The following WDHD1 variants were observed in gnomAD, a reference collection of about 807,000 sequenced individuals.
WDHD1 encodes the protein WD repeat and HMG-box DNA-binding protein 1.
Under a neutral mutation model 135.4 loss-of-function variants are expected in WDHD1, and 111 were observed. That is an observed-to-expected ratio of 0.82 (90% CI 0.70 to 0.96). WDHD1 has a LOEUF of 0.96. WDHD1 is among the 40% of genes least tolerant of loss of function. The pLI, the probability that WDHD1 is intolerant of heterozygous loss-of-function variation, is 0.00. For synonymous variants in WDHD1, 434 were observed against 439.0 expected, an observed-to-expected ratio of 0.99 and a Z score of 0.14; for missense variants, 1,351 against 1,336.3, an observed-to-expected ratio of 1.01 and a Z score of -0.17.
intron 10 of WDHD1, among the ~76,000 whole-genome samples, chr14:54,997,961 T>C (rs942991715): frequency 4.6e-5 from 7 of 150,952 alleles, no homozygotes; most frequent in South Asian, 2.1e-4. Flanking sequence ...TCTGTAACCC[T>C]AGCACTTTGG....
At chr14:54,953,095 C>T (rs879863123) in intron 24 of WDHD1, among the ~76,000 whole-genome samples, 3 of 152,086 alleles carry the variant, frequency 2.0e-5, no homozygotes, top group Admixed American at 1.3e-4. Flanking sequence ...ACACCAAAAG[C>T]AATGGCAACA....
chr14:54,944,609 C>T (rs2040890530), intron 24 of WDHD1, 139 bp from the exon 25 acceptor site: 1 of 468,886 alleles, frequency 2.1e-6, no homozygotes, highest in Non-Finnish European at 3.3e-6. Flanking sequence ...CTTGTTAATT[C>T]ATGTTACTTT....
At position 54,991,401 on chromosome 14, in the gene WDHD1, C is replaced by A; in HGVS notation, c.1154-1G>T. ...GAACCAGTTTTTAGCATTGAAATAT[C>A]TACAACACAAAGGATCATAATTAAG... On this transcript the variant is annotated splice_acceptor_variant, in intron 11 of 25. Transcript: ENST00000360586. LOFTEE classifies it high-confidence loss of function. The A allele has an allele frequency of 6.2e-7, 1 of 1,613,142 alleles. No individual in the cohort carries two copies. The highest frequency in any genetic ancestry group is 1.1e-5 in the South Asian group (1 of 90,924).
At chr14:54,979,978 T>C (rs1427621963) in intron 16 of WDHD1, among the ~76,000 whole-genome samples, 1 of 152,230 alleles carries the variant, frequency 6.6e-6, no homozygotes, top group Non-Finnish European at 1.5e-5. Context: ...TGTCAAGATA[T>C]GATTCACATA....
At chr14:54,960,646 T>G (rs148475348) in intron 21 of WDHD1, among the ~76,000 whole-genome samples, 27,044 of 151,152 alleles carry the variant, frequency 0.18, 2,472 homozygotes, top group Admixed American at 0.22. Context: ...ATTACAGGCA[T>G]GAGCCACCAT....
intron 7 of WDHD1, among the ~76,000 whole-genome samples, chr14:55,007,024 C>T (rs184922809): frequency 6.6e-6 from 1 of 151,808 alleles, no homozygotes. Context: ...CTCAGGAGTT[C>T]GAGACCAGCC....
At chr14:54,964,647 A>T (rs1169736795) in intron 18 of WDHD1, among the ~76,000 whole-genome samples, 2 of 152,194 alleles carry the variant, frequency 1.3e-5, no homozygotes, top group East Asian at 3.9e-4. Context: ...TCAAAAAAAA[A>T]AAAAGAAATA....
At chr14:54,992,413 C>G (rs2041807549) in intron 11 of WDHD1, among the ~76,000 whole-genome samples, 1 of 152,118 alleles carries the variant, frequency 6.6e-6, no homozygotes, top group Non-Finnish European at 1.5e-5. Context: ...TCACTTGTAC[C>G]CAGAGGGCAG....
chr14:54,969,583 A>G (rs1214164960), intron 16 of WDHD1, among the ~76,000 whole-genome samples: 1 of 152,170 alleles, frequency 6.6e-6, no homozygotes, highest in African/African-American at 2.4e-5. Flanking sequence ...TAAAAAACCT[A>G]TCAACCAAAA....
intron 2 of WDHD1, among the ~76,000 whole-genome samples, chr14:55,019,276 T>C (rs1566746037): frequency 6.6e-6 from 1 of 152,230 alleles, no homozygotes; most frequent in Non-Finnish European, 1.5e-5. Context: ...TGTTTAATGT[T>C]TGGATAATCA....
Position 55,017,455 on chromosome 14 carries a change from G to A in WDHD1, c.78-3859C>T, listed in dbSNP as rs191923150. 1.2e-4 allele frequency among the ~76,000 whole-genome samples: 18 copies of A among 151,814 alleles called. No individual in the cohort carries two copies. In the East Asian group the frequency reaches 3.5e-3, roughly 30 times the overall value. ...CTTCCCAGGTTCAAGTGATTCTCCTGCCTCAGCCTCCCAAGTAGCTAGTAT... is the reference window on the plus strand; with the variant it reads ...CTTCCCAGGTTCAAGTGATTCTCCTACCTCAGCCTCCCAAGTAGCTAGTAT... On this transcript the variant is annotated intron_variant, in intron 2 of 25. Transcript: ENST00000360586.
intron 2 of WDHD1, among the ~76,000 whole-genome samples, chr14:55,025,905 C>T (rs2042429405): frequency 6.6e-6 from 1 of 152,206 alleles, no homozygotes; most frequent in African/African-American, 2.4e-5. Context: ...ATGCCTGCTC[C>T]GTCTTCAGAT....
intron 16 of WDHD1, 121 bp downstream of exon 16, chr14:54,981,419 G>T: frequency 2.2e-6 from 2 of 916,232 alleles, no homozygotes; most frequent in Non-Finnish European, 3.2e-6. Context: ...CTAATTTAGT[G>T]ACTATGGAAA....
At chr14:54,942,175 C>T (rs761319303) in intron 25 of WDHD1, among the ~76,000 whole-genome samples, 29 of 151,888 alleles carry the variant, frequency 1.9e-4, no homozygotes, top group Non-Finnish European at 3.5e-4. Flanking sequence ...AGAGTGAACC[C>T]GGGAGGTGGA....
At position 55,005,527 on chromosome 14, in the gene WDHD1, G is replaced by C. The variant is rs944396072; in HGVS notation, c.600+1753C>G. The C allele has an allele frequency of 6.9e-6, 4 of 575,702 alleles. No individual in the cohort carries two copies. The African/African-American group carries it at 7.4e-5, about 11-fold the overall frequency. 35.7% of individuals were successfully genotyped at this position (575,702 alleles called of 1,614,324 possible). ...AAGCTCCCAGGAGAAGCTTCTCCCA[G>C]GTCCTCTTCAGATTTATGATGTAGA... On this transcript the variant is annotated intron_variant, in intron 7 of 25. Coordinates refer to ENST00000360586, the MANE Select transcript of WDHD1 (RefSeq NM_007086.4).
At chr14:54,990,638 T>C (rs913468874) in intron 12 of WDHD1, among the ~76,000 whole-genome samples, 5 of 150,958 alleles carry the variant, frequency 3.3e-5, no homozygotes, top group Non-Finnish European at 5.9e-5. Context: ...AAAAAGCCAA[T>C]ATATTCATTT....
chr14:55,014,247 C>A (rs574512649), intron 2 of WDHD1, among the ~76,000 whole-genome samples: 1 of 152,186 alleles, frequency 6.6e-6, no homozygotes, highest in Admixed American at 6.5e-5. Flanking sequence ...GCGCATGCCA[C>A]CATGCCTGGC....
chr14:54,942,698 C>T (rs1214616170), intron 25 of WDHD1, among the ~76,000 whole-genome samples: 1 of 152,142 alleles, frequency 6.6e-6, no homozygotes, highest in Non-Finnish European at 1.5e-5. Context: ...CCATTCATTT[C>T]ATCTGTCTCT....
chr14:54,950,194 ATGGCAAAT>A (rs1433567172), intron 24 of WDHD1, among the ~76,000 whole-genome samples: 1 of 152,176 alleles, frequency 6.6e-6, no homozygotes, highest in Non-Finnish European at 1.5e-5. Context: ...AAGACACAGA[ATGGCAAAT>A]TGGATAAAGA....
Sources: allele counts gnomAD v4.1 joint callset (sites outside exome capture counted in the v4.1 genomes callset), GRCh38; gene constraint gnomAD v4.1.1; transcripts MANE v1.5; gene names NCBI Gene and HGNC (gene_info 2026-07-23, HGNC 2026-07-21).